Variants in FAM184A observed in about 807,000 individuals in gnomAD.
The protein encoded by FAM184A is family with sequence similarity 184 member A, also known as protein FAM184A.
In FAM184A, 99 loss-of-function variants were observed where a neutral mutation model predicts 143.8. The observed-to-expected ratio is 0.69, with a 90% CI of 0.58 to 0.81. FAM184A has a LOEUF of 0.81. Ranked by LOEUF, FAM184A falls within the 40% of genes least tolerant of loss-of-function variation. The probability of loss-of-function intolerance (pLI) is 0.00; values close to 1 mark genes in which losing one functional copy is unlikely to be tolerated. For synonymous variants in FAM184A, 427 were observed against 446.4 expected, an observed-to-expected ratio of 0.96 and a Z score of 0.55; for missense variants, 1,217 against 1,310.5, an observed-to-expected ratio of 0.93 and a Z score of 1.10.
intron 1 of FAM184A, among the ~76,000 whole-genome samples, chr6:119,074,701 T>C (rs575174321): frequency 7.9e-5 from 12 of 152,360 alleles, no homozygotes; most frequent in African/African-American, 2.9e-4. Context: ...TATACAAATG[T>C]GGTCTTATAA....
chr6:118,993,807 T>C (rs956123120), intron 9 of FAM184A, among the ~76,000 whole-genome samples: 4 of 152,232 alleles, frequency 2.6e-5, no homozygotes, highest in Non-Finnish European at 5.9e-5. Context: ...TGTCCTACCT[T>C]AATCTATTCT....
At chr6:119,054,822 G>A (rs940392733) in intron 1 of FAM184A, among the ~76,000 whole-genome samples, 1 of 151,988 alleles carries the variant, frequency 6.6e-6, no homozygotes, top group Non-Finnish European at 1.5e-5. Context: ...CCTATACTCA[G>A]GAATATTCAC....
chr6:119,094,764 G>T (rs202154719), intron 1 of FAM184A, among the ~76,000 whole-genome samples: 1 of 101,592 alleles, frequency 9.8e-6, no homozygotes, highest in African/African-American at 3.6e-5. Flanking sequence ...AGATGGAAAA[G>T]TAAAAAAAAA....
Position 118,974,413 on chromosome 6 carries a change from T to C in FAM184A, c.2915+15A>G, listed in dbSNP as rs764549640. ...TATTATCCACATATGAATTTTCTTA[T>C]ATAATATGACTTACGACACTTGTAA... On this transcript the variant is annotated intron_variant, in intron 14 of 17. Transcript: ENST00000338891. 11 of 1,597,680 alleles carry C rather than the reference T, an allele frequency of 6.9e-6. No homozygotes were observed. Among genetic ancestry groups the C allele is most frequent in the Admixed American group, 3.5e-5 (2 of 56,998 alleles).
intron 1 of FAM184A, among the ~76,000 whole-genome samples, chr6:119,058,145 T>A (rs985713473): frequency 4.3e-4 from 62 of 145,038 alleles, no homozygotes; most frequent in African/African-American, 1.5e-3. Flanking sequence ...CACTCTCTCA[T>A]CAAGAAGTAG....
At chr6:119,056,315 T>A (rs1379989963) in intron 1 of FAM184A, among the ~76,000 whole-genome samples, 1 of 152,144 alleles carries the variant, frequency 6.6e-6, no homozygotes. Context: ...ATATGGGGGA[T>A]GTCTGATGAA....
In FAM184A at chr6:119,067,834, CAG is replaced by C. The variant is rs558669618; in HGVS notation, c.159+10305_159+10306del. 4.6e-5 allele frequency among the ~76,000 whole-genome samples: 7 copies of C among 152,218 alleles called. No individual in the cohort carries two copies. The South Asian group carries it at 1.5e-3, about 32-fold the overall frequency. On this transcript the variant is annotated intron_variant, in intron 1 of 17. Coordinates refer to ENST00000338891, the MANE Select transcript of FAM184A (RefSeq NM_024581.6). The stretch of plus-strand genomic sequence containing the variant: ...TCAGAAAAGAAAATATAGCTGGGCA[CAG>C]TGGCTTGCACCTATAATCCCAGCTA...
intron 1 of FAM184A, among the ~76,000 whole-genome samples, chr6:119,127,086 A>G (rs922383321): frequency 3.3e-5 from 5 of 152,108 alleles, no homozygotes; most frequent in African/African-American, 1.2e-4. Flanking sequence ...GTGGTTTTGG[A>G]AAAAGGCAAC....
At chr6:119,121,692 C>A (rs1407752574) in intron 1 of FAM184A, among the ~76,000 whole-genome samples, 3 of 152,132 alleles carry the variant, frequency 2.0e-5, no homozygotes, top group Admixed American at 6.5e-5. Flanking sequence ...TGTAAATTAA[C>A]CCATCAGCTA....
intron 1 of FAM184A, among the ~76,000 whole-genome samples, chr6:119,118,825 G>T (rs1292469622): frequency 6.6e-6 from 1 of 152,050 alleles, no homozygotes. Flanking sequence ...AAAAAAACAA[G>T]ATAACAGCAG....
intron 1 of FAM184A, among the ~76,000 whole-genome samples, chr6:119,086,661 T>C (rs542851048): frequency 8.5e-5 from 13 of 152,290 alleles, no homozygotes; most frequent in African/African-American, 3.1e-4. Context: ...AGATTACTTA[T>C]GGAAGGGGAC....
chr6:119,091,797 T>A (rs539624402), intron 1 of FAM184A, among the ~76,000 whole-genome samples: 1 of 152,360 alleles, frequency 6.6e-6, no homozygotes, highest in South Asian at 2.1e-4. Context: ...AGGTTGGTAC[T>A]CTGCTGAATG....
intron 1 of FAM184A, among the ~76,000 whole-genome samples, chr6:119,111,466 T>C (rs1788930443): frequency 6.6e-6 from 1 of 152,162 alleles, no homozygotes; most frequent in African/African-American, 2.4e-5. Flanking sequence ...AAAATGTGAA[T>C]GTTCTCAGTG....
intron 1 of FAM184A, among the ~76,000 whole-genome samples, chr6:119,108,639 T>C (rs1788852954): frequency 6.6e-6 from 1 of 152,160 alleles, no homozygotes. Context: ...GGATTGAAAA[T>C]GACAGTACCC....
intron 1 of FAM184A, among the ~76,000 whole-genome samples, chr6:119,026,835 CA>C (rs1785650945): frequency 6.6e-6 from 1 of 152,100 alleles, no homozygotes; most frequent in Admixed American, 6.5e-5. Flanking sequence ...TTTTGTTTGA[CA>C]TTCCATATTC....
At position 119,022,053 on chromosome 6, in the gene FAM184A, CTTTTT is replaced by C. The variant is rs34128659; in HGVS notation, c.1150+887_1150+891del. On this transcript the variant is annotated intron_variant, in intron 3 of 17. Transcript: ENST00000338891. The stretch of plus-strand genomic sequence containing the variant: ...AAGTGTGCTTCATTTTTCGTTCTTT[CTTTTT>C]TTTTTTTTTTTTTTTTTTTTGATAC... Among the ~76,000 whole-genome samples the C allele has an allele frequency of 1.1e-4, 9 of 84,390 alleles. No individual in the cohort carries two copies. The East Asian group carries it at 1.3e-3, about 12-fold the overall frequency. 55.4% of individuals were successfully genotyped at this position (84,390 alleles called of 152,430 possible).
intron 1 of FAM184A, among the ~76,000 whole-genome samples, chr6:119,144,356 A>T (rs1465734761): frequency 6.6e-6 from 1 of 151,706 alleles, no homozygotes; most frequent in Non-Finnish European, 1.5e-5. Flanking sequence ...AAAAAAAGAA[A>T]ATATTTTTTC....
intron 9 of FAM184A, among the ~76,000 whole-genome samples, chr6:118,986,928 TTTG>T (rs2114600066): frequency 6.6e-6 from 1 of 152,290 alleles, no homozygotes; most frequent in Non-Finnish European, 1.5e-5. Context: ...GAGATAAATG[TTTG>T]TTGTTTCTTT....
In FAM184A at chr6:119,142,272, C is replaced by T. The variant is rs73520239; in HGVS notation, c.-202+6806G>A. On this transcript the variant is annotated intron_variant, in intron 1 of 16. Transcript: ENST00000352896. ...GACTACTGAGTCGGCCGGGAAAGGA[C>T]GTAATGACCTCGAAGCCCTGATGGT... Among the ~76,000 whole-genome samples the T allele has an allele frequency of 4.9e-3, 747 of 152,254 alleles. 7 individuals carry two copies. The highest frequency in any genetic ancestry group is 0.017 in the African/African-American group (699 of 41,548).
Sources: gnomAD v4.1 joint callset for allele counts (sites outside exome capture counted in the v4.1 genomes callset) on GRCh38, gnomAD v4.1.1 for gene constraint, MANE v1.5 for transcripts, NCBI Gene and HGNC (gene_info 2026-07-23, HGNC 2026-07-21) for gene names.